Variants in PPP1R16A observed in about 807,000 individuals in gnomAD.
PPP1R16A encodes protein phosphatase 1 regulatory subunit 16A, also known as myosin phosphatase-targeting subunit 3.
In PPP1R16A, 39 loss-of-function variants were observed where a neutral mutation model predicts 46.6. That is an observed-to-expected ratio of 0.84 (90% CI 0.65 to 1.09). The LOEUF (loss-of-function observed/expected upper bound fraction) is 1.09, where lower values mean the gene tolerates loss of function less well. Ranked by LOEUF, PPP1R16A falls within the 50% of genes least tolerant of loss-of-function variation. The pLI is 0.00. For synonymous variants in PPP1R16A, 413 were observed against 321.5 expected (o/e 1.28, Z -3.04); for missense variants, 798 against 735.6 (o/e 1.08, Z -0.98).
chr8:144,501,715 A>G lies in PPP1R16A; in HGVS notation c.1399A>G (p.Lys467Glu), dbSNP rs1826499396. 1 of 1,596,138 alleles carries G rather than the reference A, an allele frequency of 6.3e-7. No homozygotes were observed. Among genetic ancestry groups the G allele is most frequent in the Non-Finnish European group, 8.5e-7 (1 of 1,172,534 alleles). ...CCTGAAGCGCCAGCGAGCTGCTGCC[A>G]AGCTGCAGCGACCCCCACCTGAGGG... ...ADLKRQRAAA[K>E]LQRPPPEGPE... The change falls in exon 12 of 12, where the codon AAG becomes GAG. Residue 467 changes from lysine (K) to glutamate (E), a missense_variant. Lys to Glu is a moderately conservative substitution (Grantham distance 56). Transcript: ENST00000435887.
At chr8:144,499,381 TGAG>T (rs1826280184) in intron 5 of PPP1R16A, 4 of 366,090 alleles carry the variant, frequency 1.1e-5, no homozygotes, top group Non-Finnish European at 2.0e-5. Flanking sequence ...GGAAGCAGAG[TGAG>T]GAGGCCAGGT....
chr8:144,496,626 TC>T lies in PPP1R16A; in HGVS notation c.-568del, dbSNP rs1481510368. On this transcript the variant is annotated 5_prime_UTR_variant, in exon 3 of 12. Coordinates refer to ENST00000435887, the MANE Select transcript of PPP1R16A (RefSeq NM_001329443.2). Reference sequence around the variant, plus strand: ...CCCCAGCCTCAGCGGCTGCACCTCCTCGTTAGTACTGATGCACTGACCTCGG... The same window carrying T: ...CCCCAGCCTCAGCGGCTGCACCTCCTGTTAGTACTGATGCACTGACCTCGG... The T allele has an allele frequency of 6.2e-6, 1 of 161,538 alleles. No individual in the cohort carries two copies. Among genetic ancestry groups the T allele is most frequent in the Non-Finnish European group, 1.4e-5 (1 of 72,902 alleles). The allele number at this position is 161,538 out of a possible 1,614,324, so 10.0% of individuals were successfully genotyped here. A position where few individuals can be genotyped will look rare whatever the true frequency, so the allele number is the denominator to read the frequency against.
intron 1 of PPP1R16A, among the ~76,000 whole-genome samples, chr8:144,482,354 G>A (rs557628261): frequency 6.6e-6 from 1 of 152,172 alleles, no homozygotes; most frequent in South Asian, 2.1e-4. Context: ...CACCGCTCCT[G>A]GCCAGTTTAT....
At chr8:144,491,242 A>G (rs1245291752) in intron 2 of PPP1R16A, among the ~76,000 whole-genome samples, 1 of 152,166 alleles carries the variant, frequency 6.6e-6, no homozygotes, top group Non-Finnish European at 1.5e-5. Flanking sequence ...ATGGCTACAC[A>G]GATATTTTTC....
intron 5 of PPP1R16A, chr8:144,499,286 G>T: frequency 1.7e-6 from 1 of 591,528 alleles, no homozygotes; most frequent in Middle Eastern, 4.6e-4. Flanking sequence ...TCGTCCTCCT[G>T]CCGAGAGGGC....
chr8:144,500,315 G>A lies in PPP1R16A; in HGVS notation c.629G>A (p.Arg210His), dbSNP rs754557567. The A allele has an allele frequency of 6.5e-7, 1 of 1,541,350 alleles. No individual in the cohort carries two copies. Among genetic ancestry groups the A allele is most frequent in the South Asian group, 1.2e-5 (1 of 84,106 alleles). ...IEAARAVPEL[R>H]MLDDIRSRLQ... ...GCCGCCCGGGCCGTGCCAGAACTGC[G>A]CATGCTGGACGACATCCGGAGCCGG... The change falls in exon 7 of 12, where the codon CGC becomes CAC. Residue 210 changes from arginine to histidine, a missense_variant. Coordinates refer to ENST00000435887, the MANE Select transcript of PPP1R16A (RefSeq NM_001329443.2).
rs1267807126 is a variant in PPP1R16A, at chr8:144,501,361, G to A, written c.1203+67G>A. ...CTGGCTCTGCCCTGGTTCTCTCTCC[G>A]CTTGGACCCCCTCCTGCCTGTGTCA... On this transcript the variant is annotated intron_variant, in intron 11 of 11. Coordinates refer to ENST00000435887, the MANE Select transcript of PPP1R16A (RefSeq NM_001329443.2). 6.0e-6 allele frequency: 9 copies of A among 1,510,858 alleles called. No individual in the cohort carries two copies. The South Asian group carries it at 7.6e-5, about 13-fold the overall frequency. 93.6% of individuals were successfully genotyped at this position (1,510,858 alleles called of 1,614,324 possible). A position where few individuals can be genotyped will look rare whatever the true frequency, so the allele number is the denominator to read the frequency against.
At chr8:144,488,128 G>A (rs1825683228) in intron 1 of PPP1R16A, among the ~76,000 whole-genome samples, 2 of 152,172 alleles carry the variant, frequency 1.3e-5, no homozygotes, top group African/African-American at 2.4e-5. Flanking sequence ...TCTTTCCAGG[G>A]AATTTGCTTT....
intron 1 of PPP1R16A, among the ~76,000 whole-genome samples, chr8:144,487,704 T>G (rs758703119): frequency 5.3e-5 from 8 of 152,240 alleles, no homozygotes; most frequent in Non-Finnish European, 8.8e-5. Flanking sequence ...ATTGGTTTAT[T>G]TCTCTATGCC....
chr8:144,501,710 C>T lies in PPP1R16A; in HGVS notation c.1394C>T (p.Ala465Val). 2 of 1,598,612 alleles carry T rather than the reference C, an allele frequency of 1.3e-6. No homozygotes were observed. The highest frequency in any genetic ancestry group is 1.7e-6 in the Non-Finnish European group (2 of 1,173,754). Residue 465 changes from alanine (A) to valine (V), a missense_variant, in exon 12 of 12, where the codon GCT (alanine) becomes GTT (valine). Ala to Val is a moderately conservative substitution (Grantham distance 64, BLOSUM62 0). Transcript: ENST00000435887. ...TLADLKRQRAAAKLQRPPPEG... is the reference protein window; with the variant it reads ...TLADLKRQRAVAKLQRPPPEG... ...GCTGACCTGAAGCGCCAGCGAGCTG[C>T]TGCCAAGCTGCAGCGACCCCCACCT...
At chr8:144,497,486 C>A in intron 3 of PPP1R16A, 33 bp downstream of exon 3, 1 of 1,609,448 alleles carries the variant, frequency 6.2e-7, no homozygotes, top group South Asian at 1.1e-5. Flanking sequence ...CAGCTCCCAG[C>A]AGACGGCCCA....
rs372762824 is a variant in PPP1R16A at position 144,501,144 on chromosome 8, G to T, written c.1053G>T (p.Arg351=). 6.2e-7 allele frequency: 1 copy of T among 1,610,988 alleles called. No individual in the cohort carries two copies. The highest frequency in any genetic ancestry group is 8.5e-7 in the Non-Finnish European group (1 of 1,179,650). ...TCCTCCCCAGGAAGGTGGTGAGGCG[G>T]GTGAGCCTAACCCAGCGCACCGACC... ...SAGSRGKVVR[R]VSLTQRTDLY... The change falls in exon 11 of 12, where the codon CGG becomes CGT. Residue 351 remains arginine, a synonymous_variant. Transcript: ENST00000435887.
At chr8:144,484,776 G>C (rs1201190281) in intron 1 of PPP1R16A, among the ~76,000 whole-genome samples, 1 of 152,228 alleles carries the variant, frequency 6.6e-6, no homozygotes, top group Admixed American at 6.5e-5. Context: ...CGTATCTCCT[G>C]TCCCGGGCTG....
In PPP1R16A at chr8:144,501,639, C is replaced by G. The variant is rs551745532; in HGVS notation, c.1323C>G (p.Ser441Arg). ...SVSYQLSPLD[S>R]TTPHTLVHDK... ...CCTACCAGCTGAGCCCCCTGGACAG[C>G]ACCACCCCCCACACCCTGGTCCACG... The change falls in exon 12 of 12, where the codon AGC (serine) becomes AGG (arginine). Residue 441 changes from serine to arginine, a missense_variant. Transcript: ENST00000435887. 9.3e-6 allele frequency: 15 copies of G among 1,610,980 alleles called. No individual in the cohort carries two copies. In the Admixed American group the frequency reaches 1.2e-4, roughly 13 times the overall value.
At chr8:144,501,065 G>C (rs1158175229) in intron 10 of PPP1R16A, 64 bp from the exon 11 acceptor site, 1 of 1,561,530 alleles carries the variant, frequency 6.4e-7, no homozygotes. Flanking sequence ...CAGAGTCCGA[G>C]GGGGTGGGCG....
At chr8:144,488,839 G>A (rs924218413) in intron 1 of PPP1R16A, among the ~76,000 whole-genome samples, 2 of 151,810 alleles carry the variant, frequency 1.3e-5, no homozygotes, top group African/African-American at 4.8e-5. Context: ...CAGTAGGGAG[G>A]ACATGGTGTC....
Position 144,501,605 on chromosome 8 carries a change from G to C in PPP1R16A, c.1289G>C (p.Arg430Pro), listed in dbSNP as rs146639111. 2 of 1,608,776 alleles carry C rather than the reference G, an allele frequency of 1.2e-6. No homozygotes were observed. Among genetic ancestry groups the C allele is most frequent in the Non-Finnish European group, 1.7e-6 (2 of 1,178,116 alleles). ...VRHLYSKRLD[R>P]SVSYQLSPLD... is the part of the protein sequence containing the mutation. ...CATCTATACTCCAAGCGACTAGACC[G>C]GAGTGTCTCCTACCAGCTGAGCCCC... Residue 430 changes from arginine (R) to proline (P), a missense_variant, in exon 12 of 12, where the codon CGG (arginine) becomes CCG (proline). By Grantham distance (103) the Arg-to-Pro change is moderately radical. Coordinates refer to ENST00000435887, the MANE Select transcript of PPP1R16A (RefSeq NM_001329443.2).
In PPP1R16A at chr8:144,500,374, G is replaced by A. The variant is rs1223063199; in HGVS notation, c.688G>A (p.Asp230Asn). 6.5e-7 allele frequency: 1 copy of A among 1,531,112 alleles called. No homozygotes were observed. Among genetic ancestry groups the A allele is most frequent in the Non-Finnish European group, 8.7e-7 (1 of 1,144,344 alleles). 94.8% of individuals were successfully genotyped at this position (1,531,112 alleles called of 1,614,324 possible). A position where few individuals can be genotyped will look rare whatever the true frequency, so the allele number is the denominator to read the frequency against. Residue 230 changes from aspartate (D) to asparagine (N), a missense_variant, in exon 7 of 12, where the codon GAC becomes AAC. Asp to Asn is a conservative substitution (Grantham distance 23). Coordinates refer to ENST00000435887, the MANE Select transcript of PPP1R16A (RefSeq NM_001329443.2). The part of the protein sequence containing the change: ...QAGADLHAPL[D>N]HGATLLHVAA... The stretch of plus-strand genomic sequence containing the variant: ...CGGGGCAGACCTCCATGCCCCCCTG[G>A]ACCACGGGGCCACGCTGGTGAGGGC...
At chr8:144,491,336 G>A (rs1203247611) in intron 2 of PPP1R16A, among the ~76,000 whole-genome samples, 2 of 152,098 alleles carry the variant, frequency 1.3e-5, no homozygotes, top group East Asian at 1.9e-4. Flanking sequence ...AAATCTGGTC[G>A]GGTGTGGTGG....
Sources: gnomAD v4.1 joint callset for allele counts (sites outside exome capture counted in the v4.1 genomes callset) on GRCh38, gnomAD v4.1.1 for gene constraint, MANE v1.5 for transcripts, NCBI Gene and HGNC (gene_info 2026-07-23, HGNC 2026-07-21) for gene names.